Variants in SRCIN1 observed in about 807,000 individuals in gnomAD.
SRCIN1 encodes the protein P130Cas-associated protein.
Under a neutral mutation model 116.2 loss-of-function variants are expected in SRCIN1, and 50 were observed. The observed-to-expected ratio is 0.43, with a 90% CI of 0.34 to 0.54. The LOEUF (loss-of-function observed/expected upper bound fraction) is 0.54, where lower values mean the gene tolerates loss of function less well. SRCIN1 is among the 20% of genes least tolerant of loss of function. The pLI, the probability that SRCIN1 is intolerant of heterozygous loss-of-function variation, is 0.02. For synonymous variants in SRCIN1, 736 were observed against 750.0 expected (o/e 0.98, Z 0.30); for missense variants, 1,446 against 1,672.0 (o/e 0.86, Z 2.36).
At position 38,546,012 on chromosome 17, in the gene SRCIN1, G is replaced by A. The variant is rs142354477; in HGVS notation, c.3271-2043C>T. Among the ~76,000 whole-genome samples the A allele has an allele frequency of 4.4e-4, 67 of 152,310 alleles. 2 individuals are homozygous for A. The East Asian group carries it at 7.3e-3, about 17-fold the overall frequency. On this transcript the variant is annotated intron_variant, in intron 17 of 18. Coordinates refer to ENST00000617146, the MANE Select transcript of SRCIN1 (RefSeq NM_025248.3). Reference sequence around the variant, plus strand: ...AAGAGCTTCACAGCTAGAAGGGGTGGGGCTTGCCCCCTGACAAATCCTCTG... The same window carrying A: ...AAGAGCTTCACAGCTAGAAGGGGTGAGGCTTGCCCCCTGACAAATCCTCTG...
chr17:38,569,961 C>A (rs557989481), intron 2 of SRCIN1, among the ~76,000 whole-genome samples: 1 of 152,200 alleles, frequency 6.6e-6, no homozygotes, highest in East Asian at 1.9e-4. Flanking sequence ...GCAGACCCAG[C>A]GGTGATGGAC....
At chr17:38,548,171 A>G (rs1905178552) in intron 17 of SRCIN1, among the ~76,000 whole-genome samples, 1 of 152,014 alleles carries the variant, frequency 6.6e-6, no homozygotes, top group African/African-American at 2.4e-5. Context: ...AGAGTCTCAG[A>G]GCTCCGTCCT....
intron 1 of SRCIN1, among the ~76,000 whole-genome samples, chr17:38,580,361 C>A (rs957693554): frequency 5.3e-5 from 8 of 152,080 alleles, no homozygotes; most frequent in Admixed American, 2.0e-4. Context: ...ACAGAGCCTG[C>A]GAGGACCCAG....
At chr17:38,534,909 G>T (rs1260004246) in intron 18 of SRCIN1, among the ~76,000 whole-genome samples, 2 of 152,124 alleles carry the variant, frequency 1.3e-5, no homozygotes, top group Non-Finnish European at 2.9e-5. Flanking sequence ...AGGATTGCTT[G>T]AGCCCAGGAA....
At chr17:38,590,369 G>A (rs1908374793) in intron 1 of SRCIN1, among the ~76,000 whole-genome samples, 1 of 152,218 alleles carries the variant, frequency 6.6e-6, no homozygotes, top group African/African-American at 2.4e-5. Flanking sequence ...CCGAGTAGCT[G>A]GGACTACAGG....
At chr17:38,579,047 GT>G (rs1264079717) in intron 1 of SRCIN1, among the ~76,000 whole-genome samples, 1 of 152,232 alleles carries the variant, frequency 6.6e-6, no homozygotes, top group African/African-American at 2.4e-5. Flanking sequence ...TCCTCCGTGG[GT>G]TTGGAGCGAT....
chr17:38,562,280 T>C lies in SRCIN1; in HGVS notation c.883A>G (p.Asn295Asp). The C allele has an allele frequency of 6.8e-7, 1 of 1,478,634 alleles. No homozygotes were observed. Among genetic ancestry groups the C allele is most frequent in the Non-Finnish European group, 8.9e-7 (1 of 1,123,828 alleles). 91.6% of individuals were successfully genotyped at this position (1,478,634 alleles called of 1,614,324 possible). A position where few individuals can be genotyped will look rare whatever the true frequency, so the allele number is the denominator to read the frequency against. The change falls in exon 7 of 19, where the codon AAC becomes GAC. Residue 295 changes from asparagine (N) to aspartate (D), a missense_variant. Physicochemically the swap from Asn to Asp is conservative, Grantham distance 23. This residue lies in a region of SRCIN1 where 239 missense variants were observed against 317.7 expected (regional missense o/e 0.75). Coordinates refer to ENST00000617146, the MANE Select transcript of SRCIN1 (RefSeq NM_025248.3). This position sits in a 1 kb window ranked among gnomAD's most constrained non-coding sequence, Gnocchi z 4.2. ...SRESSPTRRL[N>D]NLSPAPHLAS... is the part of the protein sequence containing the mutation. ...AGGTGCGGCGCTGGTGACAGGTTGT[T>C]GAGGCGCCGCGTGGGCGAGGACTCC... is the stretch of plus-strand genomic sequence containing the variant.
chr17:38,557,970 A>AGT (rs1013600298), intron 11 of SRCIN1, among the ~76,000 whole-genome samples: 1 of 152,226 alleles, frequency 6.6e-6, no homozygotes, highest in African/African-American at 2.4e-5. Context: ...AGGAAGCCTG[A>AGT]GTGTGGATCA....
rs140010371 is a variant in SRCIN1, at chr17:38,595,976, C to T, written c.22+9708G>A. ...TAGCCCCCTCTCCGTTTCTGGCCCT[C>T]CAGGCTGGGGAGGAGCATCTGACTA... On this transcript the variant is annotated intron_variant, in intron 1 of 18. Transcript: ENST00000617146. 2.6e-5 allele frequency among the ~76,000 whole-genome samples: 4 copies of T among 152,034 alleles called. No individual in the cohort carries two copies. The East Asian group carries it at 7.7e-4, about 29-fold the overall frequency.
In SRCIN1 at chr17:38,533,329, A is replaced by C. The variant is rs2040951451; in HGVS notation, c.3520T>G (p.Phe1174Val). 6.3e-7 allele frequency: 1 copy of C among 1,590,942 alleles called. No homozygotes were observed. The highest frequency in any genetic ancestry group is 8.6e-7 in the Non-Finnish European group (1 of 1,168,448). Residue 1174 changes from phenylalanine (F) to valine (V), a missense_variant, in exon 19 of 19, where the codon TTT becomes GTT. Phe to Val is a conservative substitution (Grantham distance 50). Transcript: ENST00000617146. ...SRTSIPVLTS[F>V]GARNSSISF Reference sequence around the variant, plus strand: ...GAGATGGAAGAATTCCTTGCCCCAAAGGAAGTCAATACAGGGATAGAGGTT... The same window carrying C: ...GAGATGGAAGAATTCCTTGCCCCAACGGAAGTCAATACAGGGATAGAGGTT...
intron 18 of SRCIN1, among the ~76,000 whole-genome samples, chr17:38,536,814 C>T (rs1047364881): frequency 1.3e-5 from 2 of 152,214 alleles, no homozygotes; most frequent in Admixed American, 6.5e-5. Flanking sequence ...TTGCCAGTGA[C>T]TGATTTAGGA....
chr17:38,567,435 C>G (rs1316482849), intron 3 of SRCIN1, among the ~76,000 whole-genome samples: 1 of 152,126 alleles, frequency 6.6e-6, no homozygotes, highest in Non-Finnish European at 1.5e-5. Flanking sequence ...GACTTTGACT[C>G]CATGATTCTC....
intron 1 of SRCIN1, among the ~76,000 whole-genome samples, chr17:38,603,321 AG>A (rs1909170248): frequency 6.6e-6 from 1 of 151,666 alleles, no homozygotes; most frequent in Non-Finnish European, 1.5e-5. Flanking sequence ...GGAACCCAGC[AG>A]GGATGAGGCC....
Position 38,563,465 on chromosome 17 carries a change from C to T in SRCIN1, c.598G>A (p.Val200Ile). The T allele has an allele frequency of 6.4e-7, 1 of 1,557,300 alleles. No individual in the cohort carries two copies. The highest frequency in any genetic ancestry group is 8.7e-7 in the Non-Finnish European group (1 of 1,150,022). Residue 200 changes from valine to isoleucine, a missense_variant, in exon 5 of 19, where the codon GTC becomes ATC. Physicochemically the swap from Val to Ile is conservative, Grantham distance 29. This residue lies in a region of SRCIN1 where 32 missense variants were observed against 69.7 expected (regional missense o/e 0.46). Coordinates refer to ENST00000617146, the MANE Select transcript of SRCIN1 (RefSeq NM_025248.3). This position sits in a 1 kb window ranked among gnomAD's most constrained non-coding sequence, Gnocchi z 5.8. The stretch of plus-strand genomic sequence containing the variant: ...GCGTGCAGCGTGTCCAGGCTGCTGA[C>T]CTCGTGCGTGATGTGCACGCGCCGA... Reference protein sequence around the residue: ...ETRRVHITHEVSSLDTLHALI... With the variant: ...ETRRVHITHEISSLDTLHALI...
At chr17:38,570,860 T>C (rs1907037459) in intron 2 of SRCIN1, among the ~76,000 whole-genome samples, 1 of 152,184 alleles carries the variant, frequency 6.6e-6, no homozygotes, top group Non-Finnish European at 1.5e-5. Flanking sequence ...AGGATAAAGA[T>C]GGAAGAGGGG....
rs1311874153 is a variant in SRCIN1 at position 38,562,026 on chromosome 17, G to C, written c.1137C>G (p.Asp379Glu). 2.0e-6 allele frequency: 3 copies of C among 1,492,054 alleles called. No individual in the cohort carries two copies. The highest frequency in any genetic ancestry group is 2.7e-6 in the Non-Finnish European group (3 of 1,128,984). The allele number at this position is 1,492,054 out of a possible 1,614,324, so 92.4% of individuals were successfully genotyped here. A position where few individuals can be genotyped will look rare whatever the true frequency, so the allele number is the denominator to read the frequency against. Reference protein sequence around the residue: ...LERRDVKPDEDLASKAGGMVL... With the variant: ...LERRDVKPDEELASKAGGMVL... ...CCATGCCGCCCGCCTTGCTCGCCAGGTCCTCGTCCGGCTTCACGTCGCGCC... is the reference window on the plus strand; with the variant it reads ...CCATGCCGCCCGCCTTGCTCGCCAGCTCCTCGTCCGGCTTCACGTCGCGCC... The change falls in exon 7 of 19, where the codon GAC (aspartate) becomes GAG (glutamate). Residue 379 changes from aspartate to glutamate, a missense_variant. Asp to Glu is a conservative substitution (Grantham distance 45). Coordinates refer to ENST00000617146, the MANE Select transcript of SRCIN1 (RefSeq NM_025248.3). The surrounding 1 kb of genome is among the most constrained non-coding windows in gnomAD (Gnocchi z 4.2).
At chr17:38,564,348 A>T in intron 3 of SRCIN1, 35 bp from the exon 4 acceptor site, 2 of 1,457,206 alleles carry the variant, frequency 1.4e-6, no homozygotes, top group Non-Finnish European at 1.8e-6. Context: ...GGAACCAAGG[A>T]TGAGCACCCC....
At chr17:38,589,841 T>G (rs1908346589) in intron 1 of SRCIN1, among the ~76,000 whole-genome samples, 1 of 152,136 alleles carries the variant, frequency 6.6e-6, no homozygotes, top group South Asian at 2.1e-4. Context: ...CCCATGATTC[T>G]CTCTCCCTAG....
intron 16 of SRCIN1, 80 bp from the exon 17 acceptor site, chr17:38,548,789 T>G (rs1242650512): frequency 5.0e-5 from 72 of 1,450,302 alleles, no homozygotes; most frequent in Non-Finnish European, 5.8e-5. Context: ...CCATCGCCCA[T>G]GTACCCCAGC....
Sources: gnomAD v4.1 joint callset for allele counts (sites outside exome capture counted in the v4.1 genomes callset) on GRCh38, gnomAD v4.1.1 for gene constraint, gnomAD v4.1.1 regional missense constraint, Gnocchi (gnomAD v3.1) non-coding constraint, MANE v1.5 for transcripts, NCBI Gene and HGNC (gene_info 2026-07-23, HGNC 2026-07-21) for gene names.